Variants in LPIN2 observed in about 807,000 individuals in gnomAD.
The protein encoded by LPIN2 is lipin 2.
LPIN2 carries 55 observed loss-of-function variants against 111.4 expected under a neutral mutation model. That is an observed-to-expected ratio of 0.49 (90% CI 0.40 to 0.62). The LOEUF is 0.62. LPIN2 is among the 20% of genes least tolerant of loss of function. The probability of loss-of-function intolerance (pLI) is 0.00; values close to 1 mark genes in which losing one functional copy is unlikely to be tolerated. For missense variants in LPIN2, 992 were observed against 1,112.1 expected, an observed-to-expected ratio of 0.89 and a Z score of 1.54; for synonymous variants, 425 against 414.0, an observed-to-expected ratio of 1.03 and a Z score of -0.32.
rs78561420 is a variant in LPIN2 at position 2,955,130 on chromosome 18, G to C, written c.193-531C>G. On this transcript the variant is annotated intron_variant, in intron 2 of 19. Coordinates refer to ENST00000677752, the MANE Select transcript of LPIN2 (RefSeq NM_001375808.2). ...TCCCAAGAACCAGGTGAAACGATGG[G>C]ATAAGTAATATCATGTCAAAAAAAA... 3.3e-4 allele frequency among the ~76,000 whole-genome samples: 51 copies of C among 152,270 alleles called. 1 individual carries two copies. In the East Asian group the frequency reaches 9.9e-3, roughly 29 times the overall value.
chr18:2,928,804 G>A, intron 10 of LPIN2, 144 bp from the exon 11 acceptor site: 1 of 747,990 alleles, frequency 1.3e-6, no homozygotes, highest in Non-Finnish European at 2.4e-6. Context: ...TGAATTTTTT[G>A]TCACATGAAT....
chr18:2,960,596 T>A (rs1170556707), intron 2 of LPIN2, 53 bp downstream of exon 2: 32 of 1,567,084 alleles, frequency 2.0e-5, no homozygotes, highest in Non-Finnish European at 2.8e-5. Flanking sequence ...GGACACTCAC[T>A]CACTTTCTCT....
In LPIN2 at chr18:2,924,424, AATG is replaced by A; in HGVS notation, c.2058_2060del (p.Ile687del). The A allele has an allele frequency of 1.9e-6, 3 of 1,614,174 alleles. No homozygotes were observed. The highest frequency in any genetic ancestry group is 2.5e-6 in the Non-Finnish European group (3 of 1,180,034). On this transcript the variant is annotated inframe_deletion, in exon 15 of 20. Transcript: ENST00000677752. Reference sequence around the variant, plus strand: ...TGGTTATTGTCCCATCAATATCAGAAATGATGATCTTGTCATTCCAGTTCCACA... The same window carrying A: ...TGGTTATTGTCCCATCAATATCAGAAATGATCTTGTCATTCCAGTTCCACA...
chr18:2,928,576 G>C lies in LPIN2; in HGVS notation c.1620+15C>G. 1.2e-6 allele frequency: 2 copies of C among 1,613,780 alleles called. No individual in the cohort carries two copies. Among genetic ancestry groups the C allele is most frequent in the South Asian group, 2.2e-5 (2 of 91,076 alleles). ...GGATGCTTTCGGAAAGGCAGCAGATGGTGGATCGCCTCACCTTAGGCAAGC... is the reference window on the plus strand; with the variant it reads ...GGATGCTTTCGGAAAGGCAGCAGATCGTGGATCGCCTCACCTTAGGCAAGC... On this transcript the variant is annotated intron_variant, in intron 11 of 19. Transcript: ENST00000677752.
At chr18:2,928,321 G>A (rs1163431577) in intron 11 of LPIN2, among the ~76,000 whole-genome samples, 1 of 152,038 alleles carries the variant, frequency 6.6e-6, no homozygotes, top group Non-Finnish European at 1.5e-5. Flanking sequence ...CTTATGATTA[G>A]TAAAATCTCT....
At position 2,925,609 on chromosome 18, in the gene LPIN2, T is replaced by A. The variant is rs556809559; in HGVS notation, c.1794-241A>T. Among the ~76,000 whole-genome samples, 8 of 152,348 alleles carry A rather than the reference T, an allele frequency of 5.3e-5. No homozygotes were observed. The highest frequency in any genetic ancestry group is 2.6e-4 in the Admixed American group (4 of 15,308). On this transcript the variant is annotated intron_variant, in intron 13 of 19. Transcript: ENST00000677752. This position sits in a 1 kb window ranked among gnomAD's most constrained non-coding sequence, Gnocchi z 4.1. ...TTTCTGACTATGACCTGCTATTTTC[T>A]GCTATGCCCAGTGAATGCTAGAAGG...
Position 2,982,584 on chromosome 18 carries a change from G to A in LPIN2, c.-9-21735C>T, listed in dbSNP as rs1223334543. On this transcript the variant is annotated intron_variant, in intron 1 of 19. Coordinates refer to ENST00000677752, the MANE Select transcript of LPIN2 (RefSeq NM_001375808.2). Reference sequence around the variant, plus strand: ...AAAGGGCATTAGTCTTTTTCTTTTGGTGGATGCCATCCCCTTGTCTCTCAG... The same window carrying A: ...AAAGGGCATTAGTCTTTTTCTTTTGATGGATGCCATCCCCTTGTCTCTCAG... 3 of 471,364 alleles carry A rather than the reference G, an allele frequency of 6.4e-6. No individual in the cohort carries two copies. The East Asian group carries it at 2.3e-4, about 37-fold the overall frequency. The allele number at this position is 471,364 out of a possible 1,614,324, so 29.2% of individuals were successfully genotyped here.
chr18:2,983,794 GTTTT>G (rs879257107), intron 1 of LPIN2, among the ~76,000 whole-genome samples: 3 of 149,972 alleles, frequency 2.0e-5, no homozygotes, highest in Non-Finnish European at 1.5e-5. Context: ...CTTTTACCTA[GTTTT>G]TTTTTTCCCA....
intron 1 of LPIN2, among the ~76,000 whole-genome samples, chr18:3,009,924 AAC>A (rs1261609094): frequency 6.6e-6 from 1 of 152,202 alleles, no homozygotes; most frequent in Non-Finnish European, 1.5e-5. Flanking sequence ...CTTGTATTAA[AAC>A]ACAGTTTACC....
intron 1 of LPIN2, among the ~76,000 whole-genome samples, chr18:2,963,774 T>C (rs1240660117): frequency 6.6e-6 from 1 of 151,940 alleles, no homozygotes; most frequent in African/African-American, 2.4e-5. Context: ...AATAAAAATA[T>C]TAAAGTGCAC....
chr18:2,991,238 A>C (rs902161426), intron 1 of LPIN2, among the ~76,000 whole-genome samples: 1 of 152,252 alleles, frequency 6.6e-6, no homozygotes, highest in Admixed American at 6.5e-5. Flanking sequence ...GGAGTGGAGA[A>C]GTGGGACAAA....
chr18:2,990,397 A>G (rs663124), intron 1 of LPIN2, among the ~76,000 whole-genome samples: 139,126 of 152,200 alleles, frequency 0.91, 64,418 homozygotes, highest in East Asian at 1. Flanking sequence ...CAAATTGGGG[A>G]GTTTAACTCT....
At chr18:2,990,400 TTAACTC>T (rs1420256693) in intron 1 of LPIN2, among the ~76,000 whole-genome samples, 1 of 152,148 alleles carries the variant, frequency 6.6e-6, no homozygotes, top group Non-Finnish European at 1.5e-5. Flanking sequence ...ATTGGGGAGT[TTAACTC>T]TAGAATATAT....
At chr18:2,974,280 G>C (rs1454159016) in intron 1 of LPIN2, among the ~76,000 whole-genome samples, 1 of 151,966 alleles carries the variant, frequency 6.6e-6, no homozygotes, top group Non-Finnish European at 1.5e-5. Context: ...GGGTTTCACC[G>C]TGTTAGCCAG....
chr18:2,922,244 GA>G, intron 16 of LPIN2, 45 bp from the exon 17 acceptor site: 1 of 1,586,852 alleles, frequency 6.3e-7, no homozygotes, highest in Non-Finnish European at 8.6e-7. Flanking sequence ...CTGGCTAAGG[GA>G]AAAGAAAACA....
intron 4 of LPIN2, among the ~76,000 whole-genome samples, chr18:2,941,508 C>T (rs1353389090): frequency 6.6e-6 from 1 of 152,226 alleles, no homozygotes; most frequent in African/African-American, 2.4e-5. Context: ...CCCTCAGAAG[C>T]ACTGTGGGCC....
chr18:2,985,256 T>C (rs761118066), intron 1 of LPIN2: 14 of 152,142 alleles, frequency 9.2e-5, no homozygotes, highest in Non-Finnish European at 2.1e-4. Context: ...ACCCCCACCA[T>C]CTGCAAGGTG....
chr18:2,984,335 C>T (rs2078156196), intron 1 of LPIN2, among the ~76,000 whole-genome samples: 1 of 152,156 alleles, frequency 6.6e-6, no homozygotes, highest in African/African-American at 2.4e-5. Context: ...CAACACACAT[C>T]ATGTACACAA....
At chr18:2,967,341 T>C (rs934867548) in intron 1 of LPIN2, among the ~76,000 whole-genome samples, 2 of 151,988 alleles carry the variant, frequency 1.3e-5, no homozygotes, top group Non-Finnish European at 2.9e-5. Context: ...ATCCCTATGG[T>C]TTTCTCAAAG....
Sources: gnomAD v4.1 joint callset for allele counts (sites outside exome capture counted in the v4.1 genomes callset) on GRCh38, gnomAD v4.1.1 for gene constraint, Gnocchi (gnomAD v3.1) non-coding constraint, MANE v1.5 for transcripts, NCBI Gene and HGNC (gene_info 2026-07-23, HGNC 2026-07-21) for gene names.